CPNE4: variants seen among roughly 807,000 people sequenced by gnomAD.
CPNE4 encodes the protein copine-4.
A neutral mutation model predicts 67.9 loss-of-function variants in CPNE4; 25 were observed. That is an observed-to-expected ratio of 0.37 (90% confidence interval 0.27 to 0.51). The LOEUF is 0.51. Ranked by LOEUF, CPNE4 falls within the 20% of genes least tolerant of loss-of-function variation. The pLI is 0.93. For synonymous variants in CPNE4, 242 were observed against 244.9 expected, an observed-to-expected ratio of 0.99 and a Z score of 0.11; for missense variants, 464 against 690.8, an observed-to-expected ratio of 0.67 and a Z score of 3.68.
At chr3:131,886,250 T>C (rs2087887952) in intron 2 of CPNE4, among the ~76,000 whole-genome samples, 2 of 152,190 alleles carry the variant, frequency 1.3e-5, no homozygotes, top group East Asian at 1.9e-4. Context: ...GGAATTCAAA[T>C]ATAGACAGTC....
chr3:131,965,921 C>T (rs2072329810), intron 1 of CPNE4, among the ~76,000 whole-genome samples: 1 of 151,966 alleles, frequency 6.6e-6, no homozygotes, highest in Admixed American at 6.5e-5. Flanking sequence ...ACAGAATATA[C>T]ATTCTCAGCA....
intron 6 of CPNE4, among the ~76,000 whole-genome samples, chr3:131,678,566 G>A (rs888676412): frequency 6.6e-6 from 1 of 152,146 alleles, no homozygotes; most frequent in African/African-American, 2.4e-5. Context: ...GATGTTGTCT[G>A]TGGGTTTGTC....
intron 1 of CPNE4, among the ~76,000 whole-genome samples, chr3:131,913,807 G>A (rs2089078394): frequency 6.6e-6 from 1 of 152,154 alleles, no homozygotes; most frequent in Non-Finnish European, 1.5e-5. Flanking sequence ...CCTTGAGTAA[G>A]TTACTTGAAT....
intron 1 of CPNE4, among the ~76,000 whole-genome samples, chr3:131,972,516 A>G (rs1484267879): frequency 1.3e-5 from 2 of 152,194 alleles, no homozygotes; most frequent in Admixed American, 6.5e-5. Context: ...AAAGAAAAAC[A>G]TCGGGCCCCC....
intron 7 of CPNE4, among the ~76,000 whole-genome samples, chr3:131,603,037 A>ATT (rs145270570): frequency 2.0e-5 from 3 of 151,948 alleles, no homozygotes; most frequent in African/African-American, 7.2e-5. Context: ...CTCCTTTACA[A>ATT]TTTTTTTGGG....
At chr3:131,542,912 T>C (rs1267333626) in intron 14 of CPNE4, 119 bp from the exon 15 acceptor site, 3 of 675,982 alleles carry the variant, frequency 4.4e-6, no homozygotes, top group Non-Finnish European at 7.9e-6. Flanking sequence ...GCAACAGTGA[T>C]GACAGACATT....
intron 7 of CPNE4, among the ~76,000 whole-genome samples, chr3:131,598,105 G>T (rs973975250): frequency 3.9e-5 from 6 of 152,198 alleles, no homozygotes; most frequent in Non-Finnish European, 8.8e-5. Flanking sequence ...GCACAGGATC[G>T]AAGAGATGGG....
chr3:131,763,012 A>T (rs1398269974), intron 2 of CPNE4, among the ~76,000 whole-genome samples: 3 of 152,056 alleles, frequency 2.0e-5, no homozygotes, highest in African/African-American at 4.8e-5. Flanking sequence ...ACCACAAAAT[A>T]ATTTCTTTTA....
At chr3:131,860,436 C>G (rs2107665643) in intron 2 of CPNE4, among the ~76,000 whole-genome samples, 1 of 152,270 alleles carries the variant, frequency 6.6e-6, no homozygotes, top group African/African-American at 2.4e-5. Flanking sequence ...ATGGCAGGAT[C>G]TGGAATGGGA....
At chr3:131,805,880 T>C (rs1456232078) in intron 2 of CPNE4, among the ~76,000 whole-genome samples, 1 of 152,230 alleles carries the variant, frequency 6.6e-6, no homozygotes, top group African/African-American at 2.4e-5. Flanking sequence ...CTGCCTGTCA[T>C]ATCTATGAAT....
intron 1 of CPNE4, among the ~76,000 whole-genome samples, chr3:132,030,239 G>GA (rs1395606602): frequency 1.3e-5 from 2 of 152,238 alleles, no homozygotes; most frequent in Non-Finnish European, 2.9e-5. Context: ...GGAGTAATCA[G>GA]AAGGGTTGTT....
Position 131,835,839 on chromosome 3 carries a change from A to AC in CPNE4, c.180+69424_180+69425insG, listed in dbSNP as rs2085536227. Among the ~76,000 whole-genome samples, 7 of 152,246 alleles carry AC rather than the reference A, an allele frequency of 4.6e-5. No homozygotes were observed. In the South Asian group the frequency reaches 1.2e-3, roughly 27 times the overall value. On this transcript the variant is annotated intron_variant, in intron 2 of 15. Transcript: ENST00000429747. Reference sequence around the variant, plus strand: ...CTCCCCAAGCATGGCTGCTGCAGATAGAGTAGAGTGGAGCTCTGTAGAACT... The same window carrying AC: ...CTCCCCAAGCATGGCTGCTGCAGATACGAGTAGAGTGGAGCTCTGTAGAACT...
At chr3:131,769,547 G>T (rs17294965) in intron 2 of CPNE4, among the ~76,000 whole-genome samples, 25,648 of 152,074 alleles carry the variant, frequency 0.17, 2,686 homozygotes, top group East Asian at 0.29. Flanking sequence ...ACTTCAAGCC[G>T]CAGTGATGAT....
chr3:131,960,121 G>A (rs2072122477), intron 1 of CPNE4, among the ~76,000 whole-genome samples: 1 of 46,498 alleles, frequency 2.2e-5, no homozygotes. Flanking sequence ...GAGAAAGAGT[G>A]GAGAGGGAGG....
chr3:131,787,585 C>T (rs2083601947), intron 2 of CPNE4, among the ~76,000 whole-genome samples: 1 of 152,066 alleles, frequency 6.6e-6, no homozygotes, highest in Admixed American at 6.6e-5. Context: ...GATCACCCTT[C>T]CTAAAGCTGG....
intron 3 of CPNE4, among the ~76,000 whole-genome samples, chr3:131,710,166 A>G (rs1443102350): frequency 6.6e-6 from 1 of 152,192 alleles, no homozygotes; most frequent in African/African-American, 2.4e-5. Flanking sequence ...GCTTTTGATT[A>G]TTATTGAGAG....
At chr3:131,744,382 T>C (rs1470454471) in intron 2 of CPNE4, among the ~76,000 whole-genome samples, 1 of 78,286 alleles carries the variant, frequency 1.3e-5, no homozygotes, top group Non-Finnish European at 3.0e-5. Flanking sequence ...TGAAACTTTT[T>C]ATTTTGTGTC....
At chr3:131,894,302 C>A (rs569182984) in intron 2 of CPNE4, among the ~76,000 whole-genome samples, 1 of 151,812 alleles carries the variant, frequency 6.6e-6, no homozygotes, top group African/African-American at 2.4e-5. Context: ...GAATTAATAC[C>A]AATTCTCCTC....
intron 3 of CPNE4, among the ~76,000 whole-genome samples, chr3:131,701,444 G>A (rs1389885006): frequency 6.6e-6 from 1 of 152,190 alleles, no homozygotes; most frequent in Non-Finnish European, 1.5e-5. Context: ...ATACAAAAGT[G>A]ATGGGATATC....
Sources: gnomAD v4.1 joint callset for allele counts (sites outside exome capture counted in the v4.1 genomes callset) on GRCh38, gnomAD v4.1.1 for gene constraint, MANE v1.5 for transcripts, NCBI Gene and HGNC (gene_info 2026-07-23, HGNC 2026-07-21) for gene names.